The following TM9SF2 variants were observed in gnomAD, a reference collection of about 807,000 sequenced individuals.
The protein encoded by TM9SF2 is transmembrane 9 superfamily member 2, also known as 76 kDa membrane protein.
A neutral mutation model predicts 84.9 loss-of-function variants in TM9SF2; 13 were observed. The ratio of observed to expected loss-of-function variants is 0.15; its 90% CI spans 0.10 to 0.24. TM9SF2 has a LOEUF of 0.24. TM9SF2 is among the 10% of genes least tolerant of loss of function. The pLI is 1.00. For synonymous variants in TM9SF2, 273 were observed against 285.8 expected, an observed-to-expected ratio of 0.96 and a Z score of 0.45; for missense variants, 562 against 818.5, an observed-to-expected ratio of 0.69 and a Z score of 3.82.
intron 15 of TM9SF2, among the ~76,000 whole-genome samples, chr13:99,558,966 ATCT>A (rs1217592332): frequency 2.6e-5 from 4 of 152,210 alleles, no homozygotes; most frequent in Non-Finnish European, 5.9e-5. Context: ...TAGTAGAATA[ATCT>A]TCTTCCTAAT....
intron 13 of TM9SF2, among the ~76,000 whole-genome samples, chr13:99,553,111 T>C (rs1038453655): frequency 2.6e-5 from 4 of 152,234 alleles, no homozygotes; most frequent in African/African-American, 9.6e-5. Context: ...TGCCCACTCC[T>C]GCCCTCAGGC....
chr13:99,555,402 G>A, intron 14 of TM9SF2, 134 bp from the exon 15 acceptor site: 1 of 651,088 alleles, frequency 1.5e-6, no homozygotes, highest in Non-Finnish European at 2.7e-6. Flanking sequence ...ATCCCAACCT[G>A]TGATAATTCG....
chr13:99,529,543 A>T lies in TM9SF2; in HGVS notation c.410A>T (p.Gln137Leu). Residue 137 changes from glutamine (Q) to leucine (L), a missense_variant, in exon 4 of 17, where the codon CAA becomes CTA. Transcript: ENST00000376387. ...TYHTEKAEDK[Q>L]KLEFLKKSML... Reference sequence around the variant, plus strand: ...CATACAGAGAAAGCTGAAGACAAACAAAAGTTAGAATTCTTGAAAAAAAGC... The same window carrying T: ...CATACAGAGAAAGCTGAAGACAAACTAAAGTTAGAATTCTTGAAAAAAAGC... 1 of 1,592,744 alleles carries T rather than the reference A, an allele frequency of 6.3e-7. No homozygotes were observed. The highest frequency in any genetic ancestry group is 8.5e-7 in the Non-Finnish European group (1 of 1,172,932).
intron 1 of TM9SF2, among the ~76,000 whole-genome samples, chr13:99,506,712 G>A (rs746087073): frequency 6.6e-6 from 1 of 152,100 alleles, no homozygotes; most frequent in African/African-American, 2.4e-5. Flanking sequence ...AAACTGGAAC[G>A]TCTGAAACAA....
At chr13:99,519,265 A>C (rs2046148655) in intron 2 of TM9SF2, among the ~76,000 whole-genome samples, 1 of 150,068 alleles carries the variant, frequency 6.7e-6, no homozygotes, top group Admixed American at 6.6e-5. Context: ...TCTGTGGAGA[A>C]TCTTCATTTG....
intron 9 of TM9SF2, among the ~76,000 whole-genome samples, chr13:99,542,263 C>A (rs17610629): frequency 2.0e-5 from 3 of 152,040 alleles, no homozygotes; most frequent in African/African-American, 7.2e-5. Context: ...TGCACAGTTA[C>A]AACTCTGTAA....
chr13:99,535,147 G>C (rs1435529604), intron 4 of TM9SF2, among the ~76,000 whole-genome samples: 1 of 151,962 alleles, frequency 6.6e-6, no homozygotes, highest in East Asian at 1.9e-4. Context: ...GCAAGACCCT[G>C]TCTCGAGGGA....
chr13:99,558,408 C>T (rs763617532), intron 15 of TM9SF2, among the ~76,000 whole-genome samples: 1 of 152,160 alleles, frequency 6.6e-6, no homozygotes, highest in Non-Finnish European at 1.5e-5. Flanking sequence ...ATCTGTAGAT[C>T]ATTTTGAAGA....
chr13:99,550,542 G>A (rs1441566097), intron 12 of TM9SF2, among the ~76,000 whole-genome samples: 1 of 152,024 alleles, frequency 6.6e-6, no homozygotes, highest in African/African-American at 2.4e-5. Flanking sequence ...TTCTCTGATT[G>A]ATGTTCTTCA....
chr13:99,505,213 C>T (rs151127951), intron 1 of TM9SF2, among the ~76,000 whole-genome samples: 1,570 of 145,442 alleles, frequency 0.011, 16 homozygotes, highest in Non-Finnish European at 0.017. Flanking sequence ...AGTGCAGTGG[C>T]ACGATCTTGG....
chr13:99,529,994 A>G (rs2046201161), intron 4 of TM9SF2, among the ~76,000 whole-genome samples: 1 of 152,284 alleles, frequency 6.6e-6, no homozygotes, highest in Admixed American at 6.5e-5. Flanking sequence ...TTATGTTTAT[A>G]CTACATATAG....
intron 1 of TM9SF2, among the ~76,000 whole-genome samples, chr13:99,502,886 C>CAT (rs1188837308): frequency 2.6e-5 from 4 of 152,100 alleles, no homozygotes; most frequent in African/African-American, 9.7e-5. Context: ...TATTTTAGGG[C>CAT]ATTAGATAAG....
At chr13:99,509,161 T>C (rs972014284) in intron 1 of TM9SF2, among the ~76,000 whole-genome samples, 3 of 152,200 alleles carry the variant, frequency 2.0e-5, no homozygotes, top group Non-Finnish European at 4.4e-5. Context: ...CTTGGGCAGC[T>C]CCACCATTGT....
chr13:99,503,206 TCTTA>T (rs1368546911), intron 1 of TM9SF2, among the ~76,000 whole-genome samples: 2 of 152,248 alleles, frequency 1.3e-5, no homozygotes, highest in African/African-American at 4.8e-5. Context: ...TAGTGTTTGG[TCTTA>T]CTTTAACAGC....
Position 99,529,513 on chromosome 13 carries a change from CAT to C in TM9SF2, c.382_383del (p.Tyr128ProfsTer6). ...ACCTGTAAGCTTGTTTGTACAAAAA[CAT>C]ACCATACAGAGAAAGCTGAAGACAA... On this transcript the variant is annotated frameshift_variant, in exon 4 of 17. Coordinates refer to ENST00000376387, the MANE Select transcript of TM9SF2 (RefSeq NM_004800.3). LOFTEE classifies it high-confidence loss of function. The C allele has an allele frequency of 6.3e-7, 1 of 1,592,384 alleles. No individual in the cohort carries two copies. The highest frequency in any genetic ancestry group is 8.5e-7 in the Non-Finnish European group (1 of 1,172,852).
intron 1 of TM9SF2, among the ~76,000 whole-genome samples, chr13:99,513,785 T>C (rs962604215): frequency 6.6e-6 from 1 of 152,198 alleles, no homozygotes; most frequent in African/African-American, 2.4e-5. Flanking sequence ...GAAAATTACA[T>C]GAGAATAAAA....
intron 16 of TM9SF2, among the ~76,000 whole-genome samples, chr13:99,560,957 G>C (rs1039106933): frequency 3.3e-5 from 5 of 152,106 alleles, no homozygotes; most frequent in Non-Finnish European, 7.4e-5. Context: ...TGCTCGGATT[G>C]GGCGTGAGCC....
chr13:99,546,920 C>G (rs914133738), intron 10 of TM9SF2, 65 bp from the exon 11 acceptor site: 1 of 1,596,146 alleles, frequency 6.3e-7, no homozygotes, highest in Admixed American at 1.7e-5. Context: ...GAGGGTTTCT[C>G]TATCATTTCA....
At chr13:99,514,499 G>A (rs2046125944) in intron 1 of TM9SF2, among the ~76,000 whole-genome samples, 1 of 152,210 alleles carries the variant, frequency 6.6e-6, no homozygotes, top group Admixed American at 6.5e-5. Flanking sequence ...ACCCCCAGGT[G>A]TGTAGTAGGC....
Sources: allele counts gnomAD v4.1 joint callset (sites outside exome capture counted in the v4.1 genomes callset), GRCh38; gene constraint gnomAD v4.1.1; transcripts MANE v1.5; gene names NCBI Gene and HGNC (gene_info 2026-07-23, HGNC 2026-07-21).